Variants in NBEA observed in about 807,000 individuals in gnomAD.
NBEA encodes the protein neurobeachin.
NBEA carries 44 observed loss-of-function variants against 343.4 expected under a neutral mutation model. The observed-to-expected ratio is 0.13, with a 90% CI of 0.10 to 0.16. The LOEUF is 0.16. Ranked by LOEUF, NBEA falls within the 10% of genes least tolerant of loss-of-function variation. The pLI, the probability that NBEA is intolerant of heterozygous loss-of-function variation, is 1.00. For synonymous variants in NBEA, 1,175 were observed against 1,238.7 expected, an observed-to-expected ratio of 0.95 and a Z score of 1.08; for missense variants, 2,555 against 3,631.3, an observed-to-expected ratio of 0.70 and a Z score of 7.62.
At position 35,566,906 on chromosome 13, in the gene NBEA, A is replaced by G; in HGVS notation, c.6924A>G (p.Gly2308=). ...EYLMFLNTIA[G]RTYNDLNQYP... Reference sequence around the variant, plus strand: ...TTTATTTCTGTTTTTCTTTACTAGGACGGACATATAATGATCTGAACCAAT... The same window carrying G: ...TTTATTTCTGTTTTTCTTTACTAGGGCGGACATATAATGATCTGAACCAAT... The change falls in exon 45 of 59, where the codon GGA becomes GGG. Residue 2308 remains glycine, a splice_region_variant and synonymous_variant. Transcript: ENST00000379939. 6.4e-7 allele frequency: 1 copy of G among 1,562,850 alleles called. No individual in the cohort carries two copies. The highest frequency in any genetic ancestry group is 8.8e-7 in the Non-Finnish European group (1 of 1,142,090).
At chr13:35,314,706 G>GT (rs2037602694) in intron 36 of NBEA, among the ~76,000 whole-genome samples, 3 of 152,096 alleles carry the variant, frequency 2.0e-5, no homozygotes, top group South Asian at 4.1e-4. Flanking sequence ...GTAGAATACT[G>GT]TAGCACCTTT....
At chr13:35,466,081 T>C (rs1215420325) in intron 40 of NBEA, among the ~76,000 whole-genome samples, 2 of 152,182 alleles carry the variant, frequency 1.3e-5, no homozygotes, top group Non-Finnish European at 2.9e-5. Flanking sequence ...TCCTTCCATG[T>C]CTGTTTTAGA....
At chr13:35,382,696 G>T (rs1413857788) in intron 38 of NBEA, among the ~76,000 whole-genome samples, 5 of 151,854 alleles carry the variant, frequency 3.3e-5, no homozygotes, top group African/African-American at 1.2e-4. Context: ...TTTTTAATAG[G>T]TTTACATTTT....
chr13:35,314,272 A>T (rs1186077959), intron 36 of NBEA, among the ~76,000 whole-genome samples: 2 of 152,164 alleles, frequency 1.3e-5, no homozygotes, highest in Non-Finnish European at 2.9e-5. Flanking sequence ...GAGAAGAGAA[A>T]AAACTAAAGA....
At chr13:35,473,515 CTAACT>C (rs1267187345) in intron 41 of NBEA, among the ~76,000 whole-genome samples, 1 of 152,168 alleles carries the variant, frequency 6.6e-6, no homozygotes, top group African/African-American at 2.4e-5. Context: ...CCTGAATTAA[CTAACT>C]TAAGGCCCAT....
chr13:35,203,728 G>A (rs560798612), intron 31 of NBEA, among the ~76,000 whole-genome samples: 5 of 152,152 alleles, frequency 3.3e-5, no homozygotes, highest in Middle Eastern at 3.4e-3. Context: ...TTACTTATTA[G>A]TCAATTTATT....
chr13:35,606,630 C>G (rs2082291732), intron 48 of NBEA, 52 bp downstream of exon 48: 2 of 1,470,770 alleles, frequency 1.4e-6, no homozygotes, highest in Non-Finnish European at 1.8e-6. Flanking sequence ...TTAACATATT[C>G]TGTAGTTTTG....
At chr13:35,147,300 A>C (rs952180626) in intron 18 of NBEA, among the ~76,000 whole-genome samples, 1 of 152,226 alleles carries the variant, frequency 6.6e-6, no homozygotes. Flanking sequence ...CAACACATGG[A>C]CAAGATGTTA....
At chr13:35,504,781 A>AT (rs1162833722) in intron 41 of NBEA, among the ~76,000 whole-genome samples, 2 of 151,564 alleles carry the variant, frequency 1.3e-5, no homozygotes, top group African/African-American at 4.8e-5. Flanking sequence ...TAATTTTCTT[A>AT]TTTTTTTGTA....
At chr13:35,392,385 A>G (rs1189945510) in intron 38 of NBEA, among the ~76,000 whole-genome samples, 1 of 152,030 alleles carries the variant, frequency 6.6e-6, no homozygotes, top group Admixed American at 6.6e-5. Flanking sequence ...TCCCTTTAAA[A>G]GCCCTGAAGT....
At chr13:34,992,414 C>T (rs556664709) in intron 1 of NBEA, among the ~76,000 whole-genome samples, 2 of 151,332 alleles carry the variant, frequency 1.3e-5, no homozygotes, top group African/African-American at 2.4e-5. Context: ...GCCACCATGC[C>T]TGGCTACTTT....
intron 45 of NBEA, among the ~76,000 whole-genome samples, chr13:35,579,021 A>T (rs550217504): frequency 6.6e-6 from 1 of 152,058 alleles, no homozygotes; most frequent in East Asian, 1.9e-4. Flanking sequence ...TCATGTTGGC[A>T]TGCAAAAGGT....
intron 33 of NBEA, among the ~76,000 whole-genome samples, chr13:35,213,160 G>A (rs376550897): frequency 2.6e-5 from 4 of 151,892 alleles, no homozygotes; most frequent in African/African-American, 9.7e-5. Flanking sequence ...AATTTTTTGT[G>A]ACTAAAATGA....
chr13:35,315,267 G>T (rs1157819593), intron 36 of NBEA, among the ~76,000 whole-genome samples: 2 of 152,098 alleles, frequency 1.3e-5, no homozygotes, highest in African/African-American at 4.8e-5. Context: ...CATAGCTGGA[G>T]AAAGCAATTG....
chr13:35,117,515 T>A, intron 14 of NBEA, 22 bp downstream of exon 14: 1 of 1,139,328 alleles, frequency 8.8e-7, no homozygotes, highest in South Asian at 2.6e-5. Context: ...TTATATAATT[T>A]AAAATAATAG....
At chr13:35,594,361 A>G (rs1470729462) in intron 47 of NBEA, among the ~76,000 whole-genome samples, 1 of 152,114 alleles carries the variant, frequency 6.6e-6, no homozygotes, top group African/African-American at 2.4e-5. Context: ...ACATTTGTAA[A>G]AGGCAATTTC....
At chr13:35,076,721 T>A (rs2064136733) in intron 10 of NBEA, among the ~76,000 whole-genome samples, 1 of 152,064 alleles carries the variant, frequency 6.6e-6, no homozygotes, top group African/African-American at 2.4e-5. Flanking sequence ...CATGGACACA[T>A]CTTCACTAAA....
At chr13:35,175,776 A>G (rs1481108964) in intron 27 of NBEA, among the ~76,000 whole-genome samples, 1 of 152,020 alleles carries the variant, frequency 6.6e-6, no homozygotes, top group South Asian at 2.1e-4. Flanking sequence ...TAGGAAGTAA[A>G]TCGAGTAATT....
chr13:35,436,667 G>T (rs766164763), intron 39 of NBEA, among the ~76,000 whole-genome samples: 3 of 145,184 alleles, frequency 2.1e-5, no homozygotes, highest in African/African-American at 7.7e-5. Flanking sequence ...CCTAGATCGC[G>T]CCAATGCACT....
Sources: gnomAD v4.1 joint callset for allele counts (sites outside exome capture counted in the v4.1 genomes callset) on GRCh38, gnomAD v4.1.1 for gene constraint, MANE v1.5 for transcripts, NCBI Gene and HGNC (gene_info 2026-07-23, HGNC 2026-07-21) for gene names.